The following MAL variants were observed in gnomAD, a reference collection of about 807,000 sequenced individuals.
MAL encodes mal, T cell differentiation protein (MAL blood group).
A neutral mutation model predicts 16.7 loss-of-function variants in MAL; 5 were observed. The observed-to-expected ratio is 0.30, with a 90% CI of 0.16 to 0.63. The LOEUF (loss-of-function observed/expected upper bound fraction) is 0.63. Among genes scored for constraint, MAL ranks in the 30% least tolerant of loss-of-function variants. The pLI is 0.82. For missense variants in MAL, 202 were observed against 195.8 expected (o/e 1.03, Z -0.19); for synonymous variants, 96 against 85.5 (o/e 1.12, Z -0.67).
chr2:95,043,830 G>A (rs998445110), intron 1 of MAL, among the ~76,000 whole-genome samples: 1 of 152,226 alleles, frequency 6.6e-6, no homozygotes, highest in Non-Finnish European at 1.5e-5. Flanking sequence ...GCAGTGCTGA[G>A]CGGAAGGTCG....
At chr2:95,028,831 T>C (rs1357174315) in intron 1 of MAL, among the ~76,000 whole-genome samples, 2 of 152,240 alleles carry the variant, frequency 1.3e-5, no homozygotes, top group East Asian at 3.8e-4. Context: ...ATTCCGTTTA[T>C]ATAAAATACT....
intron 1 of MAL, chr2:95,026,279 G>A: frequency 5.6e-6 from 1 of 178,070 alleles, no homozygotes; most frequent in Non-Finnish European, 1.2e-5. Flanking sequence ...GCTTTTACAA[G>A]GGAGAAGGTT....
intron 1 of MAL, among the ~76,000 whole-genome samples, chr2:95,027,397 T>G (rs184556458): frequency 8.0e-4 from 122 of 151,946 alleles, no homozygotes; most frequent in Non-Finnish European, 1.4e-3. Context: ...AAGAAACAAC[T>G]CCCCCTCGCC....
In MAL at chr2:95,053,702, G is replaced by A. The variant is rs565517368; in HGVS notation, c.*247G>A. 6 of 504,002 alleles carry A rather than the reference G, an allele frequency of 1.2e-5. No individual in the cohort carries two copies. The highest frequency in any genetic ancestry group is 9.4e-5 in the East Asian group (3 of 31,834). The allele number at this position is 504,002 out of a possible 1,614,324, so 31.2% of individuals were successfully genotyped here. A position where few individuals can be genotyped will look rare whatever the true frequency, so the allele number is the denominator to read the frequency against. ...CTCCAACTGCTGTGCTGTCTGCTAG[G>A]GTCACCTCCTGTTTGTGAAAGGGGA... On this transcript the variant is annotated 3_prime_UTR_variant, in exon 4 of 4. Transcript: ENST00000309988.
chr2:95,032,099 G>T (rs558198854), intron 1 of MAL, among the ~76,000 whole-genome samples: 2 of 152,356 alleles, frequency 1.3e-5, no homozygotes, highest in East Asian at 1.9e-4. Context: ...TGCCAGAACT[G>T]GTGCAAAGGC....
intron 1 of MAL, 126 bp from the exon 2 acceptor site, chr2:95,047,833 C>T: frequency 2.3e-6 from 2 of 879,058 alleles, no homozygotes; most frequent in Non-Finnish European, 3.4e-6. Context: ...AAATGCCTGC[C>T]CTGTTCTCTT....
At chr2:95,043,383 C>G (rs1279179080) in intron 1 of MAL, among the ~76,000 whole-genome samples, 1 of 152,260 alleles carries the variant, frequency 6.6e-6, no homozygotes, top group African/African-American at 2.4e-5. Context: ...ATACTCACAT[C>G]TGTAGTTTTA....
chr2:95,034,671 G>T (rs1423710419), intron 1 of MAL, among the ~76,000 whole-genome samples: 1 of 152,122 alleles, frequency 6.6e-6, no homozygotes, highest in Non-Finnish European at 1.5e-5. Context: ...GGATTGAGGG[G>T]CCTGGCAGGA....
chr2:95,027,844 C>A (rs761065033), intron 1 of MAL, among the ~76,000 whole-genome samples: 2 of 152,056 alleles, frequency 1.3e-5, no homozygotes, highest in Non-Finnish European at 2.9e-5. Context: ...CCCAGCTACT[C>A]GAGAGGTTTT....
intron 3 of MAL, chr2:95,053,095 G>A: frequency 2.8e-6 from 1 of 356,504 alleles, no homozygotes; most frequent in Non-Finnish European, 5.1e-6. Flanking sequence ...TCTCAAGTCA[G>A]CCGAAACCTC....
rs1342883116 is a variant in MAL at position 95,035,978 on chromosome 2, C to T, written c.93+10093C>T. 1.2e-4 allele frequency among the ~76,000 whole-genome samples: 18 copies of T among 152,184 alleles called. 1 individual carries two copies. The highest frequency in any genetic ancestry group is 9.2e-4 in the Admixed American group (14 of 15,284). The stretch of plus-strand genomic sequence containing the variant: ...GCCACCGTGCCCAGCAACAGCTCTT[C>T]GATCTTTTAATCCCAAATCTCTATC... On this transcript the variant is annotated intron_variant, in intron 1 of 3. Transcript: ENST00000309988.
chr2:95,029,335 A>G (rs866226791), intron 1 of MAL, among the ~76,000 whole-genome samples: 21 of 152,346 alleles, frequency 1.4e-4, no homozygotes, highest in Middle Eastern at 3.4e-3. Flanking sequence ...TTTACTGCAC[A>G]CATATGAACT....
chr2:95,031,229 C>T (rs1036068047), intron 1 of MAL, among the ~76,000 whole-genome samples: 8 of 152,152 alleles, frequency 5.3e-5, no homozygotes, highest in African/African-American at 9.7e-5. Flanking sequence ...ATCAGCCACA[C>T]GAGATTTTGC....
At chr2:95,047,700 G>C (rs1390617954) in intron 1 of MAL, among the ~76,000 whole-genome samples, 1 of 152,244 alleles carries the variant, frequency 6.6e-6, no homozygotes, top group African/African-American at 2.4e-5. Flanking sequence ...CTGGGTGACA[G>C]AGCAAGACTC....
At chr2:95,052,862 G>C (rs1419607452) in intron 3 of MAL, among the ~76,000 whole-genome samples, 2 of 152,138 alleles carry the variant, frequency 1.3e-5, no homozygotes, top group South Asian at 2.1e-4. Flanking sequence ...AGCCACACCT[G>C]TGATATTAAG....
chr2:95,047,492 G>A (rs1278888329), intron 1 of MAL, among the ~76,000 whole-genome samples: 2 of 152,176 alleles, frequency 1.3e-5, no homozygotes, highest in African/African-American at 2.4e-5. Flanking sequence ...AGGCTGAGGA[G>A]GGCAGATCAC....
At chr2:95,047,903 T>C in intron 1 of MAL, 56 bp from the exon 2 acceptor site, 2 of 1,565,124 alleles carry the variant, frequency 1.3e-6, no homozygotes, top group Admixed American at 1.8e-5. Flanking sequence ...TCGGGGGCCC[T>C]TCCTGGGCTG....
At chr2:95,031,378 G>A (rs1406995030) in intron 1 of MAL, among the ~76,000 whole-genome samples, 1 of 152,088 alleles carries the variant, frequency 6.6e-6, no homozygotes, top group African/African-American at 2.4e-5. Context: ...ACCTCCTCTG[G>A]GTCTCCTTGT....
chr2:95,038,239 AGTG>A (rs1558658533), intron 1 of MAL, among the ~76,000 whole-genome samples: 6 of 13,220 alleles, frequency 4.5e-4, no homozygotes, highest in African/African-American at 1.1e-3. Context: ...TGAGTGACTG[AGTG>A]TGTGAGTGAC....
Sources: gnomAD v4.1 joint callset for allele counts (sites outside exome capture counted in the v4.1 genomes callset) on GRCh38, gnomAD v4.1.1 for gene constraint, MANE v1.5 for transcripts, NCBI Gene and HGNC (gene_info 2026-07-23, HGNC 2026-07-21) for gene names.